The following PC variants were observed in gnomAD, a reference collection of about 807,000 sequenced individuals.
PC encodes pyruvate carboxylase, also known as pyruvate carboxylase, mitochondrial.
PC carries 46 observed loss-of-function variants against 107.8 expected under a neutral mutation model. The observed-to-expected ratio is 0.43, with a 90% CI of 0.34 to 0.55. The LOEUF is 0.55. PC is among the 20% of genes least tolerant of loss of function. The pLI, the probability that PC is intolerant of heterozygous loss-of-function variation, is 0.04. For synonymous variants in PC, 662 were observed against 684.7 expected, an observed-to-expected ratio of 0.97 and a Z score of 0.52; for missense variants, 1,241 against 1,643.1, an observed-to-expected ratio of 0.76 and a Z score of 4.23.
chr11:66,870,185 C>A lies in PC; in HGVS notation c.903+117G>T. ...GGAGAGTCCTTCACCCTCTTCTCCC[C>A]ATCCCCAGTCCCCAGAAGGGGACTC... On this transcript the variant is annotated intron_variant, in intron 9 of 22. Transcript: ENST00000393960. This position sits in a 1 kb window ranked among gnomAD's most constrained non-coding sequence, Gnocchi z 6.1. The A allele has an allele frequency of 1.6e-6, 2 of 1,283,632 alleles. No individual in the cohort carries two copies. Among genetic ancestry groups the A allele is most frequent in the East Asian group, 2.4e-5 (1 of 41,808 alleles). The allele number at this position is 1,283,632 out of a possible 1,614,324, so 79.5% of individuals were successfully genotyped here. A position where few individuals can be genotyped will look rare whatever the true frequency, so the allele number is the denominator to read the frequency against.
chr11:66,941,849 T>C (rs1016650194), intron 3 of PC, among the ~76,000 whole-genome samples: 21 of 151,892 alleles, frequency 1.4e-4, no homozygotes, highest in African/African-American at 4.8e-4. Flanking sequence ...ACGCCTGTAA[T>C]CACAACACTT....
At chr11:66,934,382 T>C (rs1301590030) in intron 3 of PC, 2 of 153,366 alleles carry the variant, frequency 1.3e-5, no homozygotes, top group Non-Finnish European at 2.9e-5. Context: ...TTATTTCATT[T>C]GTACAAAAGT....
chr11:66,923,547 G>A (rs907815966), intron 3 of PC, among the ~76,000 whole-genome samples: 3 of 151,796 alleles, frequency 2.0e-5, no homozygotes, highest in Admixed American at 6.6e-5. Flanking sequence ...GTTTTGCTCC[G>A]TCGCCCAGGC....
At chr11:66,956,057 G>A (rs1373758021) in intron 1 of PC, among the ~76,000 whole-genome samples, 3 of 152,050 alleles carry the variant, frequency 2.0e-5, no homozygotes, top group Non-Finnish European at 4.4e-5. Context: ...ACAGGCATGA[G>A]CACCGCGCCC....
intron 3 of PC, among the ~76,000 whole-genome samples, chr11:66,932,018 C>CAAAA (rs756391349): frequency 1.7e-5 from 1 of 59,336 alleles, no homozygotes. Context: ...GACTCTGTCT[C>CAAAA]AAAAAAAAAA....
chr11:66,900,178 G>GCTTTT (rs1947896797), intron 3 of PC, among the ~76,000 whole-genome samples: 1 of 107,436 alleles, frequency 9.3e-6, no homozygotes, highest in Non-Finnish European at 1.7e-5. Context: ...CTCCAACGTT[G>GCTTTT]TTTTTTTTTT....
chr11:66,866,740 G>A lies in PC; in HGVS notation c.1023-391C>T, dbSNP rs1322502553. On this transcript the variant is annotated intron_variant, in intron 10 of 22. Transcript: ENST00000393960. This position sits in a 1 kb window ranked among gnomAD's most constrained non-coding sequence, Gnocchi z 5.4. ...CCCCTTGGTAAAGCCTAGATTTGAAGCCTCAGCAGATCTCTAGGTCAGAGG... is the reference window on the plus strand; with the variant it reads ...CCCCTTGGTAAAGCCTAGATTTGAAACCTCAGCAGATCTCTAGGTCAGAGG... Among the ~76,000 whole-genome samples, 1 of 152,202 alleles carries A rather than the reference G, an allele frequency of 6.6e-6. No homozygotes were observed. The highest frequency in any genetic ancestry group is 1.5e-5 in the Non-Finnish European group (1 of 68,044).
intron 12 of PC, among the ~76,000 whole-genome samples, chr11:66,859,319 G>A (rs1699505598): frequency 6.6e-6 from 1 of 152,160 alleles, no homozygotes; most frequent in African/African-American, 2.4e-5. Flanking sequence ...TGTCCCAGGT[G>A]TCACTGAGCT....
At chr11:66,878,220 C>A (rs561718830) in intron 3 of PC, among the ~76,000 whole-genome samples, 11 of 152,280 alleles carry the variant, frequency 7.2e-5, no homozygotes, top group South Asian at 2.1e-4. Context: ...GATTCTCAAA[C>A]CTCCAGGGCA....
intron 9 of PC, among the ~76,000 whole-genome samples, chr11:66,869,335 C>A (rs962134398): frequency 1.1e-4 from 17 of 151,774 alleles, no homozygotes; most frequent in Non-Finnish European, 1.8e-4. Flanking sequence ...AGGCCTCTCC[C>A]AGCCGCTGCT....
intron 11 of PC, among the ~76,000 whole-genome samples, chr11:66,864,828 C>A (rs1036337097): frequency 1.3e-5 from 2 of 152,182 alleles, no homozygotes; most frequent in Non-Finnish European, 2.9e-5. Context: ...GAAGGGCTCC[C>A]CGGAGGTGGG....
rs771448599 is a variant in PC at position 66,858,481 on chromosome 11, G to A, written c.1369-5098C>T. Reference sequence around the variant, plus strand: ...TGCAACTGTGAGCTGCTGTGGCTGCGGCGGCTGGCGCGGCCGGACGACCTG... The same window carrying A: ...TGCAACTGTGAGCTGCTGTGGCTGCAGCGGCTGGCGCGGCCGGACGACCTG... On this transcript the variant is annotated intron_variant, in intron 12 of 22. Transcript: ENST00000393960. The surrounding 1 kb of genome is among the most constrained non-coding windows in gnomAD (Gnocchi z 5.9). 1.9e-6 allele frequency: 3 copies of A among 1,542,092 alleles called. No homozygotes were observed. Among genetic ancestry groups the A allele is most frequent in the South Asian group, 1.2e-5 (1 of 84,612 alleles).
At chr11:66,875,935 G>A (rs745821318) in intron 3 of PC, among the ~76,000 whole-genome samples, 4 of 152,140 alleles carry the variant, frequency 2.6e-5, no homozygotes, top group African/African-American at 7.2e-5. Flanking sequence ...TGCCGTGCAC[G>A]GCCTGAATTT....
In PC at chr11:66,852,902, G is replaced by A. The variant is rs975478409; in HGVS notation, c.1514-66C>T. The A allele has an allele frequency of 1.9e-5, 23 of 1,213,310 alleles. No individual in the cohort carries two copies. Among genetic ancestry groups the A allele is most frequent in the Non-Finnish European group, 2.5e-5 (21 of 856,176 alleles). The allele number at this position is 1,213,310 out of a possible 1,614,324, so 75.2% of individuals were successfully genotyped here. A position where few individuals can be genotyped will look rare whatever the true frequency, so the allele number is the denominator to read the frequency against. ...GAGGCTGAGTCGAGGGCAGCAGTGAGAGTGGCTGGGCTCAGGGACAGGGAC... is the reference window on the plus strand; with the variant it reads ...GAGGCTGAGTCGAGGGCAGCAGTGAAAGTGGCTGGGCTCAGGGACAGGGAC... On this transcript the variant is annotated intron_variant, in intron 13 of 22. Transcript: ENST00000393960. This position sits in a 1 kb window ranked among gnomAD's most constrained non-coding sequence, Gnocchi z 4.7.
chr11:66,892,313 A>G (rs1435858708), intron 3 of PC, among the ~76,000 whole-genome samples: 2 of 152,156 alleles, frequency 1.3e-5, no homozygotes, highest in African/African-American at 4.8e-5. Flanking sequence ...GTGTCACCCA[A>G]TACACTGACT....
chr11:66,899,523 A>G (rs1034649341), intron 3 of PC, among the ~76,000 whole-genome samples: 1 of 151,782 alleles, frequency 6.6e-6, no homozygotes, highest in African/African-American at 2.4e-5. Flanking sequence ...CCAAGTAGCT[A>G]GTTTTTTTTT....
intron 12 of PC, chr11:66,860,104 G>C: frequency 1.9e-6 from 3 of 1,551,752 alleles, no homozygotes; most frequent in Non-Finnish European, 2.6e-6. Flanking sequence ...GCTTGGGCCC[G>C]ACGGAGCCAC....
intron 3 of PC, among the ~76,000 whole-genome samples, chr11:66,886,112 C>T (rs1010131333): frequency 2.0e-5 from 3 of 148,342 alleles, no homozygotes; most frequent in East Asian, 2.0e-4. Flanking sequence ...GCCACGCCTG[C>T]GTGGAGAGCA....
intron 3 of PC, among the ~76,000 whole-genome samples, chr11:66,898,585 C>T (rs113949156): frequency 6.8e-4 from 103 of 152,296 alleles, no homozygotes; most frequent in African/African-American, 2.3e-3. Context: ...GAGGCTGAGA[C>T]AGGAGAATCG....
Sources: gnomAD v4.1 joint callset for allele counts (sites outside exome capture counted in the v4.1 genomes callset) on GRCh38, gnomAD v4.1.1 for gene constraint, Gnocchi (gnomAD v3.1) non-coding constraint, MANE v1.5 for transcripts, NCBI Gene and HGNC (gene_info 2026-07-23, HGNC 2026-07-21) for gene names.